Variants in UBAP1 observed in about 807,000 individuals in gnomAD.
UBAP1 encodes the protein ubiquitin associated protein 1.
Under a neutral mutation model 39.0 loss-of-function variants are expected in UBAP1, and 5 were observed. The ratio of observed to expected loss-of-function variants is 0.13; its 90% CI spans 0.07 to 0.27. The LOEUF is 0.27. Among genes scored for constraint, UBAP1 ranks in the 10% least tolerant of loss-of-function variants. The pLI, the probability that UBAP1 is intolerant of heterozygous loss-of-function variation, is 1.00. For synonymous variants in UBAP1, 211 were observed against 225.1 expected, an observed-to-expected ratio of 0.94 and a Z score of 0.56; for missense variants, 490 against 608.1, an observed-to-expected ratio of 0.81 and a Z score of 2.04.
chr9:34,246,380 A>T (rs898635860), intron 4 of UBAP1, among the ~76,000 whole-genome samples: 8 of 152,172 alleles, frequency 5.3e-5, no homozygotes, highest in African/African-American at 1.9e-4. Context: ...TTTGTTTATG[A>T]TCATTTTAGT....
At chr9:34,182,695 C>G (rs1234689981) in intron 1 of UBAP1, among the ~76,000 whole-genome samples, 2 of 70,716 alleles carry the variant, frequency 2.8e-5, no homozygotes, top group East Asian at 1.6e-3. Flanking sequence ...CTCTCTCTTT[C>G]TTTTCTTTTC....
At chr9:34,230,640 A>G (rs958629656) in intron 2 of UBAP1, among the ~76,000 whole-genome samples, 1 of 152,210 alleles carries the variant, frequency 6.6e-6, no homozygotes, top group Non-Finnish European at 1.5e-5. Flanking sequence ...TTAAAATATA[A>G]GCATTTTATA....
intron 2 of UBAP1, among the ~76,000 whole-genome samples, chr9:34,228,883 G>A (rs1038884413): frequency 3.3e-5 from 5 of 151,560 alleles, no homozygotes; most frequent in African/African-American, 1.2e-4. Flanking sequence ...GCCTGGCCAC[G>A]TTCCCATCTC....
At chr9:34,249,334 G>C (rs1834348901) in intron 4 of UBAP1, among the ~76,000 whole-genome samples, 1 of 152,174 alleles carries the variant, frequency 6.6e-6, no homozygotes, top group Non-Finnish European at 1.5e-5. Flanking sequence ...TCCAAAGTGG[G>C]AGTATTTGAA....
intron 1 of UBAP1, among the ~76,000 whole-genome samples, chr9:34,190,802 CTT>C (rs373942127): frequency 5.1e-5 from 6 of 116,646 alleles, no homozygotes; most frequent in Non-Finnish European, 6.9e-5. Flanking sequence ...ATGCCTGGCT[CTT>C]TTTTTTTTTT....
At chr9:34,226,317 C>T (rs1343640499) in intron 2 of UBAP1, among the ~76,000 whole-genome samples, 1 of 150,764 alleles carries the variant, frequency 6.6e-6, no homozygotes, top group Non-Finnish European at 1.5e-5. Context: ...GCAACCTCTG[C>T]CTCCTCAAGC....
chr9:34,233,953 A>G (rs571401652), intron 2 of UBAP1, among the ~76,000 whole-genome samples: 3 of 152,290 alleles, frequency 2.0e-5, no homozygotes, highest in African/African-American at 7.2e-5. Flanking sequence ...TAAGGAGATG[A>G]GGGCAGAGAG....
intron 3 of UBAP1, among the ~76,000 whole-genome samples, chr9:34,239,340 CTTAAACT>C (rs1410663578): frequency 6.6e-6 from 1 of 152,234 alleles, no homozygotes; most frequent in Admixed American, 6.5e-5. Context: ...ACAAAGCAGC[CTTAAACT>C]TTGACTGTCT....
At chr9:34,194,244 T>TA (rs769069457) in intron 1 of UBAP1, among the ~76,000 whole-genome samples, 186 of 152,278 alleles carry the variant, frequency 1.2e-3, no homozygotes, top group Non-Finnish European at 2.0e-3. Flanking sequence ...GCTAAAAAAT[T>TA]ATATTGCTAA....
rs1433085556 is a variant in UBAP1, at chr9:34,251,663, T to C, written c.*131T>C. 2 of 1,016,688 alleles carry C rather than the reference T, an allele frequency of 2.0e-6. No homozygotes were observed. The highest frequency in any genetic ancestry group is 5.2e-5 in the East Asian group (2 of 38,310). The allele number at this position is 1,016,688 out of a possible 1,614,324, so 63.0% of individuals were successfully genotyped here. A position where few individuals can be genotyped will look rare whatever the true frequency, so the allele number is the denominator to read the frequency against. The stretch of plus-strand genomic sequence containing the variant: ...GGGTTAGAAGGTCAGGTGTGGAGAC[T>C]GCTCGCCAGTCTCTGTGAGCCTAGG... On this transcript the variant is annotated 3_prime_UTR_variant, in exon 7 of 7. Transcript: ENST00000297661.
At chr9:34,201,294 A>C (rs1215933565) in intron 1 of UBAP1, 3 of 152,198 alleles carry the variant, frequency 2.0e-5, no homozygotes, top group Admixed American at 6.6e-5. Context: ...CTGTAATCCT[A>C]GCACTTTGGG....
intron 3 of UBAP1, among the ~76,000 whole-genome samples, 197 bp downstream of exon 3, chr9:34,234,537 G>C (rs1833582905): frequency 6.6e-6 from 1 of 152,106 alleles, no homozygotes; most frequent in African/African-American, 2.4e-5. Flanking sequence ...TCCTAACACT[G>C]TGGGTGGCCA....
intron 4 of UBAP1, among the ~76,000 whole-genome samples, chr9:34,243,604 C>T (rs1403078327): frequency 2.0e-5 from 3 of 151,616 alleles, no homozygotes; most frequent in South Asian, 4.2e-4. Context: ...TCCTGCCTCT[C>T]GCAGCCTGCC....
intron 1 of UBAP1, among the ~76,000 whole-genome samples, chr9:34,184,533 A>G (rs1323482998): frequency 6.8e-6 from 1 of 146,352 alleles, no homozygotes; most frequent in Non-Finnish European, 1.5e-5. Context: ...CGGGAGGCTG[A>G]GGCAGGAGAA....
chr9:34,181,147 G>C, intron 1 of UBAP1, among the ~76,000 whole-genome samples: 1 of 71,736 alleles, frequency 1.4e-5, no homozygotes, highest in Admixed American at 1.9e-4. Flanking sequence ...ACAGAGTTTC[G>C]CTCTGTGCCC....
At chr9:34,234,557 G>T (rs1361371612) in intron 3 of UBAP1, among the ~76,000 whole-genome samples, 1 of 152,048 alleles carries the variant, frequency 6.6e-6, no homozygotes, top group South Asian at 2.1e-4. Context: ...AAGGTGGGAG[G>T]ATCACTTGAG....
intron 1 of UBAP1, 33 bp from the exon 2 acceptor site, chr9:34,220,875 A>G: frequency 5.0e-6 from 8 of 1,604,980 alleles, no homozygotes; most frequent in Non-Finnish European, 6.8e-6. Context: ...TTCAAGGTAT[A>G]ATGTGCCTAA....
chr9:34,198,159 T>C (rs1831167710), intron 1 of UBAP1, among the ~76,000 whole-genome samples: 1 of 152,144 alleles, frequency 6.6e-6, no homozygotes, highest in Non-Finnish European at 1.5e-5. Context: ...CTGGGCTCCA[T>C]GTTTAGGCCA....
intron 1 of UBAP1, among the ~76,000 whole-genome samples, chr9:34,195,889 G>A (rs947920693): frequency 1.4e-5 from 2 of 139,952 alleles, no homozygotes; most frequent in Non-Finnish European, 3.0e-5. Flanking sequence ...GAGCCACCAC[G>A]TCCGGCCAGT....
Sources: gnomAD v4.1 joint callset for allele counts (sites outside exome capture counted in the v4.1 genomes callset) on GRCh38, gnomAD v4.1.1 for gene constraint, MANE v1.5 for transcripts, NCBI Gene and HGNC (gene_info 2026-07-23, HGNC 2026-07-21) for gene names.